The following GRIK1 variants were observed in gnomAD, a reference collection of about 807,000 sequenced individuals.
GRIK1 encodes glutamate ionotropic receptor kainate type subunit 1.
Under a neutral mutation model 105.7 loss-of-function variants are expected in GRIK1, and 69 were observed. The ratio of observed to expected loss-of-function variants is 0.65; its 90% CI spans 0.54 to 0.80. The LOEUF (loss-of-function observed/expected upper bound fraction) is 0.80, where lower values mean the gene tolerates loss of function less well. Among genes scored for constraint, GRIK1 ranks in the 30% least tolerant of loss-of-function variants. GRIK1 has a pLI of 0.00. For missense variants in GRIK1, 1,109 were observed against 1,167.3 expected (o/e 0.95, Z 0.73); for synonymous variants, 438 against 431.3 (o/e 1.02, Z -0.19).
intron 7 of GRIK1, among the ~76,000 whole-genome samples, chr21:29,636,989 C>T (rs1221945229): frequency 2.0e-5 from 3 of 152,150 alleles, no homozygotes; most frequent in African/African-American, 4.8e-5. Flanking sequence ...ATACATTTGC[C>T]ATTCATTATA....
chr21:29,543,707 A>G (rs1185250638), intron 16 of GRIK1, among the ~76,000 whole-genome samples: 1 of 152,192 alleles, frequency 6.6e-6, no homozygotes, highest in African/African-American at 2.4e-5. Context: ...GCTGATTCTC[A>G]TCTCCTGGGT....
At chr21:29,690,659 G>A (rs2063567809) in intron 2 of GRIK1, among the ~76,000 whole-genome samples, 2 of 152,138 alleles carry the variant, frequency 1.3e-5, no homozygotes, top group South Asian at 2.1e-4. Flanking sequence ...TCAACATCAG[G>A]CCTCTTTCTA....
intron 1 of GRIK1, among the ~76,000 whole-genome samples, chr21:29,866,080 CT>C (rs1346333165): frequency 6.7e-6 from 1 of 149,504 alleles, no homozygotes; most frequent in African/African-American, 2.5e-5. Context: ...TTTTTTTTTT[CT>C]TTTAAGATAG....
chr21:29,848,048 GTTA>G (rs56711180), intron 1 of GRIK1, among the ~76,000 whole-genome samples: 17 of 147,874 alleles, frequency 1.1e-4, no homozygotes, highest in East Asian at 3.9e-4. Flanking sequence ...TTAAACGTAA[GTTA>G]TTATTATTAT....
chr21:29,699,071 A>G (rs1415637448), intron 1 of GRIK1, among the ~76,000 whole-genome samples: 1 of 152,188 alleles, frequency 6.6e-6, no homozygotes, highest in Non-Finnish European at 1.5e-5. Flanking sequence ...TCTGTCCTTC[A>G]TACTCTGTGT....
rs145265295 is a variant in GRIK1 at position 29,809,005 on chromosome 21, T to C, written c.119-114942A>G. On this transcript the variant is annotated intron_variant, in intron 1 of 17. Coordinates refer to ENST00000327783, the MANE Select transcript of GRIK1 (RefSeq NM_001330994.2). The stretch of plus-strand genomic sequence containing the variant: ...GGCTTTTCTCTCCATCCTTGACAAT[T>C]TTTTCCCTCAAGTCAAACTTTTCTT... Among the ~76,000 whole-genome samples the C allele has an allele frequency of 1.1e-3, 166 of 152,302 alleles. 1 individual carries two copies. The highest frequency in any genetic ancestry group is 3.7e-3 in the African/African-American group (152 of 41,584).
intron 1 of GRIK1, among the ~76,000 whole-genome samples, chr21:29,812,748 G>A (rs2067045090): frequency 6.6e-6 from 1 of 152,240 alleles, no homozygotes; most frequent in Admixed American, 6.5e-5. Context: ...AGCCGGCCAG[G>A]CTGGGTCAGC....
chr21:29,883,041 G>A (rs2069481202), intron 1 of GRIK1, among the ~76,000 whole-genome samples: 1 of 152,016 alleles, frequency 6.6e-6, no homozygotes, highest in Admixed American at 6.6e-5. Context: ...ATAGTTCTGT[G>A]TTCATGGAAT....
At chr21:29,878,212 T>C (rs552614888) in intron 1 of GRIK1, among the ~76,000 whole-genome samples, 1 of 152,022 alleles carries the variant, frequency 6.6e-6, no homozygotes, top group Admixed American at 6.6e-5. Flanking sequence ...ATTTGCTTGG[T>C]TTGTAGGTAG....
At chr21:29,869,054 A>T (rs2068922952) in intron 1 of GRIK1, among the ~76,000 whole-genome samples, 1 of 152,240 alleles carries the variant, frequency 6.6e-6, no homozygotes, top group East Asian at 1.9e-4. Flanking sequence ...AAGATCCCCC[A>T]GAAATCACCT....
chr21:29,591,795 TC>T (rs2061337809), intron 9 of GRIK1, among the ~76,000 whole-genome samples: 1 of 152,108 alleles, frequency 6.6e-6, no homozygotes, highest in Non-Finnish European at 1.5e-5. Context: ...ATGCCTGTAA[TC>T]CCAGTGCTTT....
At chr21:29,599,476 A>G (rs968605508) in intron 7 of GRIK1, among the ~76,000 whole-genome samples, 3 of 152,196 alleles carry the variant, frequency 2.0e-5, no homozygotes, top group East Asian at 1.9e-4. Context: ...AAAACAACAG[A>G]AATTTATTTT....
At chr21:29,875,026 G>A (rs2069145310) in intron 1 of GRIK1, among the ~76,000 whole-genome samples, 1 of 147,886 alleles carries the variant, frequency 6.8e-6, no homozygotes, top group African/African-American at 2.5e-5. Flanking sequence ...ATATGTGTGT[G>A]TGTATGCGTG....
At chr21:29,761,554 A>T (rs1019466591) in intron 1 of GRIK1, 11 of 152,354 alleles carry the variant, frequency 7.2e-5, no homozygotes, top group Admixed American at 3.3e-4. Flanking sequence ...CATGCTATAT[A>T]TTAAGATAAA....
chr21:29,595,373 G>A (rs1444899291), intron 9 of GRIK1, among the ~76,000 whole-genome samples: 2 of 147,428 alleles, frequency 1.4e-5, no homozygotes, highest in Admixed American at 6.7e-5. Flanking sequence ...TCTGGGTGCC[G>A]GTTAGGTTCA....
intron 1 of GRIK1, among the ~76,000 whole-genome samples, chr21:29,781,623 C>T (rs1158116685): frequency 1.3e-5 from 2 of 149,488 alleles, no homozygotes; most frequent in East Asian, 1.9e-4. Flanking sequence ...TCAGCACTAT[C>T]CCTGTTCTTA....
chr21:29,624,410 AT>A (rs1423702843), intron 7 of GRIK1, among the ~76,000 whole-genome samples: 4 of 152,156 alleles, frequency 2.6e-5, no homozygotes, highest in Non-Finnish European at 5.9e-5. Context: ...GGAAAAAGGC[AT>A]TTTTTAGAAG....
intron 1 of GRIK1, among the ~76,000 whole-genome samples, chr21:29,834,865 T>A (rs2067742782): frequency 6.6e-6 from 1 of 150,898 alleles, no homozygotes; most frequent in Admixed American, 6.6e-5. Flanking sequence ...TATTATTTTA[T>A]TTATTCAATA....
chr21:29,911,952 C>T (rs2070832645), intron 1 of GRIK1, among the ~76,000 whole-genome samples: 4 of 152,020 alleles, frequency 2.6e-5, no homozygotes, highest in Admixed American at 2.6e-4. Context: ...ATTGTGATTG[C>T]TGAATGAATG....
Sources: gnomAD v4.1 joint callset for allele counts (sites outside exome capture counted in the v4.1 genomes callset) on GRCh38, gnomAD v4.1.1 for gene constraint, MANE v1.5 for transcripts, NCBI Gene and HGNC (gene_info 2026-07-23, HGNC 2026-07-21) for gene names.